The following NCKIPSD variants were observed in gnomAD, a reference collection of about 807,000 sequenced individuals.
NCKIPSD encodes NCK interacting protein with SH3 domain.
NCKIPSD carries 48 observed loss-of-function variants against 73.4 expected under a neutral mutation model. The ratio of observed to expected loss-of-function variants is 0.65; its 90% CI spans 0.52 to 0.83. The LOEUF is 0.83. Among genes scored for constraint, NCKIPSD ranks in the 40% least tolerant of loss-of-function variants. The pLI is 0.00. For synonymous variants in NCKIPSD, 422 were observed against 403.6 expected, an observed-to-expected ratio of 1.05 and a Z score of -0.54; for missense variants, 884 against 970.2, an observed-to-expected ratio of 0.91 and a Z score of 1.18.
chr3:48,683,625 G>A (rs957955697), intron 1 of NCKIPSD, among the ~76,000 whole-genome samples: 1 of 152,196 alleles, frequency 6.6e-6, no homozygotes, highest in African/African-American at 2.4e-5. Flanking sequence ...CTGGGAAGCA[G>A]TTCTGTGTTT....
chr3:48,684,243 C>T (rs1187174226), intron 1 of NCKIPSD, among the ~76,000 whole-genome samples: 1 of 152,154 alleles, frequency 6.6e-6, no homozygotes, highest in African/African-American at 2.4e-5. Flanking sequence ...AAGAAACAGA[C>T]AGTGACAGAG....
intron 5 of NCKIPSD, 82 bp from the exon 6 acceptor site, chr3:48,680,311 A>G (rs1332620813): frequency 1.4e-6 from 2 of 1,426,696 alleles, no homozygotes; most frequent in Non-Finnish European, 1.9e-6. Context: ...TGGAGAGTCC[A>G]TCTGTGGACT....
Position 48,685,652 on chromosome 3 carries a change from G to C in NCKIPSD, c.156C>G (p.Tyr52Ter). The C allele has an allele frequency of 6.6e-7, 1 of 1,523,424 alleles. No individual in the cohort carries two copies. The allele number at this position is 1,523,424 out of a possible 1,614,324, so 94.4% of individuals were successfully genotyped here. A position where few individuals can be genotyped will look rare whatever the true frequency, so the allele number is the denominator to read the frequency against. ...SGETGYVPPA[Y>*]LRRLQGLEQD... ...GCGCACTCACCTGCAGGCGGCGCAG[G>C]TAGGCTGGCGGCACGTAGCCCGTCT... The change falls in exon 1 of 13, where the codon TAC (tyrosine) becomes TAG (stop). Residue 52 changes from tyrosine to a stop codon, truncating the protein, a stop_gained. Coordinates refer to ENST00000294129, the MANE Select transcript of NCKIPSD (RefSeq NM_016453.4). LOFTEE classifies it high-confidence loss of function.
At position 48,678,371 on chromosome 3, in the gene NCKIPSD, C is replaced by T. The variant is rs545749000; in HGVS notation, c.1965+193G>A. ...CCCTCCACTCCCTCCTCTCCAGCCT[C>T]CTCCAGCCCCACCACCTCCAGATCA... On this transcript the variant is annotated intron_variant, in intron 12 of 12. Coordinates refer to ENST00000294129, the MANE Select transcript of NCKIPSD (RefSeq NM_016453.4). 1.4e-4 allele frequency among the ~76,000 whole-genome samples: 21 copies of T among 152,348 alleles called. No homozygotes were observed. The East Asian group carries it at 3.9e-3, about 28-fold the overall frequency.
rs758149103 is a variant in NCKIPSD at position 48,678,606 on chromosome 3, G to A, written c.1923C>T (p.Asp641=). The A allele has an allele frequency of 6.8e-6, 11 of 1,614,040 alleles. No homozygotes were observed. Among genetic ancestry groups the A allele is most frequent in the East Asian group, 2.2e-5 (1 of 44,900 alleles). ...GGTCTGCGATGTGCCGCACAGTGAT[G>A]TCAATGAGAGCCATCATGTCTGTGT... ...FYHTDMMALI[D]ITVRHIADLS... The change falls in exon 12 of 13, where the codon GAC becomes GAT. Residue 641 remains aspartate, a synonymous_variant. Transcript: ENST00000294129.
Position 48,681,323 on chromosome 3 carries a change from G to T in NCKIPSD, c.1056C>A (p.Val352=). The T allele has an allele frequency of 6.2e-7, 1 of 1,609,668 alleles. No individual in the cohort carries two copies. The highest frequency in any genetic ancestry group is 1.3e-5 in the African/African-American group (1 of 75,038). Residue 352 remains valine, a synonymous_variant, in exon 5 of 13, where the codon GTC becomes GTA. Transcript: ENST00000294129. ...CGAGTGAGAGGAGGACCTGCTCCAT[G>T]ACTGGTGAGCTGGCCGGCACCGAGG... ...IQASVPASSP[V]MEQVLLSLVE...
chr3:48,684,789 C>A (rs1277749734), intron 1 of NCKIPSD, among the ~76,000 whole-genome samples: 1 of 152,144 alleles, frequency 6.6e-6, no homozygotes, highest in Non-Finnish European at 1.5e-5. Context: ...CACGATCAGA[C>A]CAGGAGAAGC....
At chr3:48,677,923 C>T (rs2077279839) in intron 12 of NCKIPSD, among the ~76,000 whole-genome samples, 1 of 152,202 alleles carries the variant, frequency 6.6e-6, no homozygotes, top group African/African-American at 2.4e-5. Flanking sequence ...TCCCCACTGC[C>T]TCCCTGATGC....
At position 48,681,648 on chromosome 3, in the gene NCKIPSD, G is replaced by A. The variant is rs775951885; in HGVS notation, c.731C>T (p.Pro244Leu). The A allele has an allele frequency of 9.9e-6, 16 of 1,611,714 alleles. No individual in the cohort carries two copies. The highest frequency in any genetic ancestry group is 6.7e-5 in the African/African-American group (5 of 75,012). Reference sequence around the variant, plus strand: ...GTGGGTGCCTCGGCGGGGCACAGGTGGGGGTGTGGGTGAGCAGCTGGAGCC... The same window carrying A: ...GTGGGTGCCTCGGCGGGGCACAGGTAGGGGTGTGGGTGAGCAGCTGGAGCC... ...EPGSSCSPTP[P>L]PVPRRGTHTT... The change falls in exon 5 of 13, where the codon CCA (proline) becomes CTA (leucine). Residue 244 changes from proline (P) to leucine (L), a missense_variant. Transcript: ENST00000294129.
At position 48,678,866 on chromosome 3, in the gene NCKIPSD, C is replaced by T. The variant is rs372580180; in HGVS notation, c.1792+11G>A. Reference sequence around the variant, plus strand: ...TGGAAGTGGTACCCGCGCAGATTCCCGGGCCCTCACCCCCTCTGTTCAGGA... The same window carrying T: ...TGGAAGTGGTACCCGCGCAGATTCCTGGGCCCTCACCCCCTCTGTTCAGGA... On this transcript the variant is annotated intron_variant, in intron 11 of 12. Transcript: ENST00000294129. 9.2e-5 allele frequency: 148 copies of T among 1,613,714 alleles called. No homozygotes were observed. The highest frequency in any genetic ancestry group is 1.2e-4 in the Non-Finnish European group (137 of 1,180,012).
At chr3:48,683,881 GCA>G in intron 1 of NCKIPSD, among the ~76,000 whole-genome samples, 1 of 152,024 alleles carries the variant, frequency 6.6e-6, no homozygotes, top group Non-Finnish European at 1.5e-5. Flanking sequence ...TCCCTGATGG[GCA>G]CAGACAGGTG....
chr3:48,681,052 C>A, intron 5 of NCKIPSD: 1 of 523,290 alleles, frequency 1.9e-6, no homozygotes, highest in East Asian at 3.4e-5. Flanking sequence ...GTTCCACTTC[C>A]TCCCACAAGC....
intron 1 of NCKIPSD, among the ~76,000 whole-genome samples, chr3:48,683,979 GACACACACACACACACACACACAC>G (rs545029045): frequency 7.6e-6 from 1 of 131,112 alleles, no homozygotes; most frequent in Non-Finnish European, 1.6e-5. Flanking sequence ...AAGACATGAA[GACACACACACACACACACACACAC>G]ACACACACAC....
Position 48,678,864 on chromosome 3 carries a change from C to A in NCKIPSD, c.1792+13G>T, listed in dbSNP as rs776924749. ...CATGGAAGTGGTACCCGCGCAGATTCCCGGGCCCTCACCCCCTCTGTTCAG... is the reference window on the plus strand; with the variant it reads ...CATGGAAGTGGTACCCGCGCAGATTACCGGGCCCTCACCCCCTCTGTTCAG... On this transcript the variant is annotated intron_variant, in intron 11 of 12. Coordinates refer to ENST00000294129, the MANE Select transcript of NCKIPSD (RefSeq NM_016453.4). 1 of 1,613,838 alleles carries A rather than the reference C, an allele frequency of 6.2e-7. No homozygotes were observed. Among genetic ancestry groups the A allele is most frequent in the Admixed American group, 1.7e-5 (1 of 60,010 alleles).
chr3:48,678,999 G>A (rs773789542), intron 10 of NCKIPSD, 30 bp from the exon 11 acceptor site: 5 of 1,614,160 alleles, frequency 3.1e-6, no homozygotes, highest in Non-Finnish European at 4.2e-6. Flanking sequence ...TAGACAGGGT[G>A]CTGAGCCTGA....
rs781720888 is a variant in NCKIPSD, at chr3:48,674,670, G to A, written c.2043C>T (p.Pro681=). The A allele has an allele frequency of 2.5e-6, 4 of 1,613,848 alleles. No homozygotes were observed. Among genetic ancestry groups the A allele is most frequent in the African/African-American group, 2.7e-5 (2 of 74,882 alleles). The part of the protein sequence containing the change: ...TPYLQHRHRL[P]DLQAILRRIL... Reference sequence around the variant, plus strand: ...TGCGTCGCAGTATGGCCTGCAGGTCGGGTAGCCGGTGGCGGTGCTGCAGGT... The same window carrying A: ...TGCGTCGCAGTATGGCCTGCAGGTCAGGTAGCCGGTGGCGGTGCTGCAGGT... Residue 681 remains proline, a synonymous_variant, in exon 13 of 13, where the codon CCC becomes CCT. Coordinates refer to ENST00000294129, the MANE Select transcript of NCKIPSD (RefSeq NM_016453.4).
At chr3:48,675,468 T>C (rs2077235880) in intron 12 of NCKIPSD, among the ~76,000 whole-genome samples, 1 of 148,448 alleles carries the variant, frequency 6.7e-6, no homozygotes, top group South Asian at 2.1e-4. Flanking sequence ...CACCTCTGGC[T>C]GAACCAGTTC....
chr3:48,678,416 G>C, intron 12 of NCKIPSD, 148 bp downstream of exon 12: 1 of 1,044,196 alleles, frequency 9.6e-7, no homozygotes, highest in Non-Finnish European at 1.3e-6. Context: ...TGGCTCCTTT[G>C]GGTCTTGGTG....
At chr3:48,683,220 T>C (rs1239254426) in intron 1 of NCKIPSD, among the ~76,000 whole-genome samples, 1 of 152,200 alleles carries the variant, frequency 6.6e-6, no homozygotes, top group Non-Finnish European at 1.5e-5. Context: ...ACCCCCATGC[T>C]GCCACATTAC....
Sources: gnomAD v4.1 joint callset for allele counts (sites outside exome capture counted in the v4.1 genomes callset) on GRCh38, gnomAD v4.1.1 for gene constraint, MANE v1.5 for transcripts, NCBI Gene and HGNC (gene_info 2026-07-23, HGNC 2026-07-21) for gene names.